Variants in PKD1L3 observed in about 807,000 individuals in gnomAD.
The protein encoded by PKD1L3 is polycystin 1 like 3, transient receptor potential channel interacting, also known as polycystin-1-like protein 3.
Under a neutral mutation model 184.1 loss-of-function variants are expected in PKD1L3, and 239 were observed. The observed-to-expected ratio is 1.30, with a 90% CI of 1.17 to 1.45. PKD1L3 has a LOEUF of 1.45. Among genes scored for constraint, PKD1L3 ranks in the 40% most tolerant of loss-of-function variants. PKD1L3 has a pLI of 0.00. For synonymous variants in PKD1L3, 996 were observed against 778.8 expected (o/e 1.28, Z -4.64); for missense variants, 2,660 against 2,067.2 (o/e 1.29, Z -5.56).
At chr16:71,977,174 C>T in intron 11 of PKD1L3, 62 bp downstream of exon 11, 3 of 1,264,344 alleles carry the variant, frequency 2.4e-6, no homozygotes, top group East Asian at 2.5e-5. Flanking sequence ...GATGGTGCCA[C>T]TGCACTACAT....
intron 14 of PKD1L3, 99 bp downstream of exon 14, chr16:71,967,807 C>G: frequency 2.0e-6 from 2 of 1,000,314 alleles, no homozygotes; most frequent in Admixed American, 2.2e-5. Context: ...TCTCTAGTCT[C>G]TTTTAAAGTG....
At chr16:71,966,896 T>C (rs2143578845) in intron 15 of PKD1L3, among the ~76,000 whole-genome samples, 1 of 152,320 alleles carries the variant, frequency 6.6e-6, no homozygotes, top group East Asian at 1.9e-4. Flanking sequence ...TGACATTTAA[T>C]GAAAATGAGA....
chr16:71,965,671 G>A (rs941389166), intron 15 of PKD1L3, among the ~76,000 whole-genome samples: 6 of 151,294 alleles, frequency 4.0e-5, no homozygotes, highest in Non-Finnish European at 8.8e-5. Context: ...CTCCTGCCTC[G>A]GTCTCTCGAG....
chr16:71,956,251 T>C (rs1265850757), intron 16 of PKD1L3, among the ~76,000 whole-genome samples: 1 of 133,162 alleles, frequency 7.5e-6, no homozygotes, highest in East Asian at 2.6e-4. Context: ...TGGAGTGCAA[T>C]GGCCTGATCT....
intron 12 of PKD1L3, among the ~76,000 whole-genome samples, chr16:71,970,714 A>C (rs1375433007): frequency 6.6e-6 from 1 of 152,206 alleles, no homozygotes; most frequent in Non-Finnish European, 1.5e-5. Flanking sequence ...AGGCTGAGGC[A>C]GGAGAATTGC....
intron 16 of PKD1L3, among the ~76,000 whole-genome samples, chr16:71,958,285 G>C (rs940384735): frequency 6.6e-6 from 1 of 150,404 alleles, no homozygotes; most frequent in Admixed American, 6.6e-5. Context: ...TACTTGGGAG[G>C]CTGAGGCAGG....
At chr16:71,982,650 G>C (rs777986516) in intron 6 of PKD1L3, among the ~76,000 whole-genome samples, 1 of 152,050 alleles carries the variant, frequency 6.6e-6, no homozygotes, top group Admixed American at 6.6e-5. Context: ...CGTCTGGAGT[G>C]CAGTGGTACA....
chr16:71,964,958 C>T (rs138765656), intron 15 of PKD1L3, among the ~76,000 whole-genome samples: 2,865 of 151,312 alleles, frequency 0.019, 97 homozygotes, highest in African/African-American at 0.061. Flanking sequence ...GTGATTCTCC[C>T]GCCTCAGCCC....
intron 16 of PKD1L3, among the ~76,000 whole-genome samples, chr16:71,958,153 C>T (rs978473862): frequency 8.6e-5 from 13 of 151,598 alleles, no homozygotes; most frequent in Non-Finnish European, 2.9e-5. Context: ...TTTGGGAGGC[C>T]GAGGCGGGCG....
chr16:71,952,889 C>G lies in PKD1L3; in HGVS notation c.3009+5G>C. 3 of 1,535,466 alleles carry G rather than the reference C, an allele frequency of 2.0e-6. No individual in the cohort carries two copies. The highest frequency in any genetic ancestry group is 2.5e-5 in the South Asian group (2 of 81,074). On this transcript the variant is annotated splice_donor_5th_base_variant and intron_variant, in intron 18 of 29. Transcript: ENST00000620267. Reference sequence around the variant, plus strand: ...AGATAAAATAAAATTTGATACCAATCTTACCTCAACTACCATTGTGGCAGA... The same window carrying G: ...AGATAAAATAAAATTTGATACCAATGTTACCTCAACTACCATTGTGGCAGA...
intron 9 of PKD1L3, among the ~76,000 whole-genome samples, chr16:71,979,496 A>C (rs1198181144): frequency 3.3e-5 from 5 of 151,084 alleles, no homozygotes; most frequent in African/African-American, 7.3e-5. Flanking sequence ...CAAAACAAGA[A>C]AACAAAAAAC....
At chr16:71,979,676 T>A (rs1475012120) in intron 9 of PKD1L3, 110 bp downstream of exon 9, 2 of 1,279,362 alleles carry the variant, frequency 1.6e-6, no homozygotes, top group East Asian at 2.8e-5. Context: ...AACTCTCTCA[T>A]CTGATCTGGT....
chr16:71,996,557 G>T (rs1200793218), intron 2 of PKD1L3, among the ~76,000 whole-genome samples: 1 of 152,150 alleles, frequency 6.6e-6, no homozygotes, highest in African/African-American at 2.4e-5. Context: ...ACTGTGCCTG[G>T]CCCACATTGT....
chr16:71,947,386 G>C (rs2038657982), intron 22 of PKD1L3, 106 bp downstream of exon 22: 1 of 721,522 alleles, frequency 1.4e-6, no homozygotes, highest in Non-Finnish European at 2.4e-6. Flanking sequence ...TAACCAGTTG[G>C]TTAGAGACAA....
chr16:71,971,031 C>G (rs967827006), intron 12 of PKD1L3, among the ~76,000 whole-genome samples: 5 of 152,182 alleles, frequency 3.3e-5, no homozygotes, highest in Admixed American at 6.5e-5. Flanking sequence ...TTGTTCACTG[C>G]TGTGTCTCTA....
At chr16:71,933,614 G>A in intron 27 of PKD1L3, 93 bp from the exon 28 acceptor site, 7 of 953,564 alleles carry the variant, frequency 7.3e-6, no homozygotes, top group Non-Finnish European at 6.5e-6. Context: ...AGAAGCAATG[G>A]AACAGAAATT....
chr16:71,975,887 A>G (rs1322934655), intron 11 of PKD1L3, among the ~76,000 whole-genome samples: 2 of 152,020 alleles, frequency 1.3e-5, no homozygotes, highest in Non-Finnish European at 2.9e-5. Flanking sequence ...TCTGGTTGTG[A>G]TATACTCTAG....
intron 2 of PKD1L3, among the ~76,000 whole-genome samples, chr16:71,997,509 G>A (rs1358145636): frequency 6.6e-6 from 1 of 152,078 alleles, no homozygotes; most frequent in Non-Finnish European, 1.5e-5. Context: ...AACACTTTGG[G>A]AGGCCAAGGC....
Position 71,977,240 on chromosome 16 carries a change from T to G in PKD1L3, c.1755A>C (p.Gln585His), listed in dbSNP as rs1597352703. 3 of 1,520,984 alleles carry G rather than the reference T, an allele frequency of 2.0e-6. No homozygotes were observed. The Admixed American group carries it at 5.9e-5, about 30-fold the overall frequency. The allele number at this position is 1,520,984 out of a possible 1,614,324, so 94.2% of individuals were successfully genotyped here. A position where few individuals can be genotyped will look rare whatever the true frequency, so the allele number is the denominator to read the frequency against. Reference sequence around the variant, plus strand: ...TGACAGCTGATTGGGTTTTACCTTTTTGCCACACCTTATCCTTTGGAAGGG... The same window carrying G: ...TGACAGCTGATTGGGTTTTACCTTTGTGCCACACCTTATCCTTTGGAAGGG... ...NITLPKDKVW[Q>H]KDEEYTWVLN... Residue 585 changes from glutamine to histidine, a missense_variant, in exon 11 of 30, where the codon CAA (glutamine) becomes CAC (histidine). Coordinates refer to ENST00000620267, the MANE Select transcript of PKD1L3 (RefSeq NM_181536.2).
Sources: gnomAD v4.1 joint callset for allele counts (sites outside exome capture counted in the v4.1 genomes callset) on GRCh38, gnomAD v4.1.1 for gene constraint, MANE v1.5 for transcripts, NCBI Gene and HGNC (gene_info 2026-07-23, HGNC 2026-07-21) for gene names.